Variants in FREM1 observed in about 807,000 individuals in gnomAD.
FREM1 encodes the protein FRAS1-related extracellular matrix protein 1.
In FREM1, 220 loss-of-function variants were observed where a neutral mutation model predicts 210.1. The ratio of observed to expected loss-of-function variants is 1.05; its 90% CI spans 0.94 to 1.17. The LOEUF (loss-of-function observed/expected upper bound fraction) is 1.17, where lower values mean the gene tolerates loss of function less well. FREM1 is among the 50% of genes most tolerant of loss of function. The pLI is 0.00. For synonymous variants in FREM1, 1,189 were observed against 980.2 expected (o/e 1.21, Z -3.98); for missense variants, 3,454 against 2,675.5 (o/e 1.29, Z -6.42).
intron 5 of FREM1, among the ~76,000 whole-genome samples, chr9:14,857,259 T>C (rs16932365): frequency 0.014 from 2,199 of 152,158 alleles, 48 homozygotes; most frequent in African/African-American, 0.047. Flanking sequence ...CTGAAGAGTA[T>C]TGGGAGTAAA....
At chr9:14,744,582 T>G (rs576014020) in intron 35 of FREM1, among the ~76,000 whole-genome samples, 1 of 152,304 alleles carries the variant, frequency 6.6e-6, no homozygotes, top group Admixed American at 6.5e-5. Flanking sequence ...ATTCCATCAC[T>G]TATAAAATAA....
chr9:14,837,250 A>C (rs540817555), intron 10 of FREM1, among the ~76,000 whole-genome samples: 23 of 152,254 alleles, frequency 1.5e-4, no homozygotes, highest in African/African-American at 5.3e-4. Context: ...CCTGAGCCCT[A>C]TGCAAATCAG....
intron 22 of FREM1, 40 bp downstream of exon 22, chr9:14,792,703 C>G: frequency 6.7e-7 from 1 of 1,494,910 alleles, no homozygotes. Context: ...TTTATACCTG[C>G]TACGTTAGTT....
At chr9:14,768,964 A>G (rs1847012128) in intron 27 of FREM1, among the ~76,000 whole-genome samples, 2 of 152,078 alleles carry the variant, frequency 1.3e-5, no homozygotes, top group South Asian at 4.1e-4. Flanking sequence ...AAAATGAACA[A>G]ACAAACAAAC....
intron 1 of FREM1, among the ~76,000 whole-genome samples, chr9:14,909,112 A>G (rs1419069522): frequency 6.6e-6 from 1 of 152,198 alleles, no homozygotes; most frequent in Non-Finnish European, 1.5e-5. Flanking sequence ...TTCCCAGGCT[A>G]TAAACACCAA....
chr9:14,812,755 G>C, intron 16 of FREM1, 57 bp downstream of exon 16: 3 of 1,525,656 alleles, frequency 2.0e-6, no homozygotes, highest in Non-Finnish European at 2.7e-6. Context: ...CCACACTGAG[G>C]AGTGGAGACT....
At chr9:14,884,453 T>C (rs1317584873) in intron 1 of FREM1, among the ~76,000 whole-genome samples, 1 of 152,216 alleles carries the variant, frequency 6.6e-6, no homozygotes, top group Non-Finnish European at 1.5e-5. Flanking sequence ...AATAAAGCTG[T>C]GTGAAAATTC....
chr9:14,893,339 G>A (rs1837193471), intron 1 of FREM1, among the ~76,000 whole-genome samples: 1 of 152,190 alleles, frequency 6.6e-6, no homozygotes. Flanking sequence ...GTCAGAAAGA[G>A]GGATACCTCA....
chr9:14,835,696 T>C (rs1824441140), intron 10 of FREM1, among the ~76,000 whole-genome samples: 2 of 152,232 alleles, frequency 1.3e-5, no homozygotes, highest in African/African-American at 2.4e-5. Context: ...CTGAAATTCC[T>C]TGTGAAACAG....
At chr9:14,860,826 C>CGTATATATACATAT (rs368689841) in intron 3 of FREM1, among the ~76,000 whole-genome samples, 25 of 83,662 alleles carry the variant, frequency 3.0e-4, no homozygotes, top group Non-Finnish European at 3.6e-4. Flanking sequence ...CACATATATA[C>CGTATATATACATAT]ATATATACGT....
chr9:14,848,637 T>C (rs768764655), intron 7 of FREM1, 28 bp downstream of exon 7: 2 of 1,336,402 alleles, frequency 1.5e-6, no homozygotes, highest in Non-Finnish European at 2.1e-6. Flanking sequence ...CAGGGCTATG[T>C]TGCTCTATGC....
intron 22 of FREM1, among the ~76,000 whole-genome samples, chr9:14,791,742 G>C (rs1851360120): frequency 1.3e-5 from 2 of 152,224 alleles, no homozygotes; most frequent in Admixed American, 6.5e-5. Flanking sequence ...ACAAAGATGA[G>C]AATTGGAAGG....
chr9:14,853,568 T>C (rs1828152406), intron 5 of FREM1, among the ~76,000 whole-genome samples: 1 of 152,306 alleles, frequency 6.6e-6, no homozygotes. Flanking sequence ...TGAAATCATA[T>C]GTCATCAATG....
intron 1 of FREM1, among the ~76,000 whole-genome samples, chr9:14,909,342 G>C (rs938994362): frequency 1.4e-5 from 2 of 141,080 alleles, no homozygotes; most frequent in Non-Finnish European, 3.1e-5. Flanking sequence ...GTACTGAGCA[G>C]AGAGAGCCTA....
intron 24 of FREM1, chr9:14,782,220 T>C (rs939644338): frequency 3.3e-6 from 1 of 302,468 alleles, no homozygotes; most frequent in Non-Finnish European, 4.9e-6. Flanking sequence ...TATCTGAGGA[T>C]CCAGAAATGT....
At position 14,770,613 on chromosome 9, in the gene FREM1, G is replaced by A. The variant is rs781226224; in HGVS notation, c.5051C>T (p.Thr1684Ile). 1.2e-6 allele frequency: 2 copies of A among 1,610,956 alleles called. No individual in the cohort carries two copies. The highest frequency in any genetic ancestry group is 4.5e-5 in the East Asian group (2 of 44,858). Residue 1684 changes from threonine (T) to isoleucine (I), a missense_variant, in exon 26 of 37, where the codon ACA (threonine) becomes ATA (isoleucine). Physicochemically the swap from Thr to Ile is moderately conservative, Grantham distance 89. Coordinates refer to ENST00000380880, the MANE Select transcript of FREM1 (RefSeq NM_001379081.2). ...QGPKHGHLEN[T>I]TTGEFIHEKF... ...ATTAAGGAGGCCAGTACCTGTTGTT[G>A]TGTTCTCCAGATGTCCATGTTTTGG...
At position 14,895,085 on chromosome 9, in the gene FREM1, G is replaced by A. The variant is rs115625143; in HGVS notation, c.-268+14829C>T. Reference sequence around the variant, plus strand: ...CCAGGTTATCTTGGGACCTCAGGAGGAGAGGAATTTACCCAACTCACAGGT... The same window carrying A: ...CCAGGTTATCTTGGGACCTCAGGAGAAGAGGAATTTACCCAACTCACAGGT... On this transcript the variant is annotated intron_variant, in intron 1 of 36. Transcript: ENST00000380880. Among the ~76,000 whole-genome samples the A allele has an allele frequency of 1.6e-3, 239 of 152,314 alleles. 2 individuals are homozygous for A. The highest frequency in any genetic ancestry group is 5.5e-3 in the African/African-American group (228 of 41,564).
At chr9:14,870,869 T>A (rs1832535331) in intron 1 of FREM1, among the ~76,000 whole-genome samples, 1 of 147,072 alleles carries the variant, frequency 6.8e-6, no homozygotes, top group African/African-American at 2.5e-5. Flanking sequence ...GTGTTCTCAT[T>A]GTTCAATTCC....
chr9:14,770,506 G>T, intron 26 of FREM1, 99 bp downstream of exon 26: 1 of 849,560 alleles, frequency 1.2e-6, no homozygotes, highest in Non-Finnish European at 1.9e-6. Context: ...CCTGGGGAGT[G>T]TTTACCAAAT....
Sources: gnomAD v4.1 joint callset for allele counts (sites outside exome capture counted in the v4.1 genomes callset) on GRCh38, gnomAD v4.1.1 for gene constraint, MANE v1.5 for transcripts, NCBI Gene and HGNC (gene_info 2026-07-23, HGNC 2026-07-21) for gene names.